C7: variants seen among roughly 807,000 people sequenced by gnomAD.
C7 encodes the protein complement C7, also known as complement component C7.
C7 carries 83 observed loss-of-function variants against 104.8 expected under a neutral mutation model. The ratio of observed to expected loss-of-function variants is 0.79; its 90% CI spans 0.66 to 0.95. The LOEUF is 0.95. C7 is among the 40% of genes least tolerant of loss of function. C7 has a pLI of 0.00. For missense variants in C7, 1,070 were observed against 1,011.2 expected (o/e 1.06, Z -0.79); for synonymous variants, 415 against 360.6 (o/e 1.15, Z -1.71).
At chr5:40,952,096 C>T (rs575042703) in intron 9 of C7, among the ~76,000 whole-genome samples, 1 of 152,226 alleles carries the variant, frequency 6.6e-6, no homozygotes, top group Non-Finnish European at 1.5e-5. Context: ...TTCAGTTGGG[C>T]TGGCAGTTGG....
chr5:40,968,568 T>TTATA (rs1240185830), intron 14 of C7, among the ~76,000 whole-genome samples: 731 of 63,380 alleles, frequency 0.012, 5 homozygotes, highest in Non-Finnish European at 0.016. Context: ...TATATATATT[T>TTATA]TATATATATA....
At chr5:40,927,632 C>G (rs1739583431) in intron 1 of C7, among the ~76,000 whole-genome samples, 1 of 151,920 alleles carries the variant, frequency 6.6e-6, no homozygotes, top group South Asian at 2.1e-4. Context: ...GGGCAAGAGA[C>G]CTGAGTAAAC....
At chr5:40,956,425 G>A (rs1740292067) in intron 10 of C7, among the ~76,000 whole-genome samples, 1 of 152,244 alleles carries the variant, frequency 6.6e-6, no homozygotes, top group South Asian at 2.1e-4. Flanking sequence ...GTGAGTGTGT[G>A]TGTGTGTCAA....
chr5:40,909,640 T>C (rs1458253848), intron 1 of C7, 24 bp downstream of exon 1: 1 of 1,503,664 alleles, frequency 6.7e-7, no homozygotes, highest in East Asian at 2.3e-5. Flanking sequence ...TTCATTACTT[T>C]TGTAAATGAA....
At chr5:40,945,149 G>A in intron 6 of C7, 49 bp from the exon 7 acceptor site, 1 of 984,942 alleles carries the variant, frequency 1.0e-6, no homozygotes, top group Non-Finnish European at 1.5e-6. Flanking sequence ...GCATGATAAA[G>A]GATCCAGCAT....
At chr5:40,942,983 C>T (rs992078084) in intron 6 of C7, among the ~76,000 whole-genome samples, 1 of 152,108 alleles carries the variant, frequency 6.6e-6, no homozygotes, top group Non-Finnish European at 1.5e-5. Context: ...AGGATGGTCT[C>T]CATCTCCTGA....
rs770155291 is a variant in C7 at position 40,964,756 on chromosome 5, T to G, written c.1765T>G (p.Phe589Val). Reference protein sequence around the residue: ...DGFVQDEGTMFPVGKNVVYTC... With the variant: ...DGFVQDEGTMVPVGKNVVYTC... Reference sequence around the variant, plus strand: ...TTTTGTTTAGGATGAAGGTACAATGTTTCCTGTGGGGAAAAATGTAGTGTA... The same window carrying G: ...TTTTGTTTAGGATGAAGGTACAATGGTTCCTGTGGGGAAAAATGTAGTGTA... The change falls in exon 14 of 18, where the codon TTT becomes GTT. Residue 589 changes from phenylalanine to valine, a missense_variant. Coordinates refer to ENST00000313164, the MANE Select transcript of C7 (RefSeq NM_000587.4). The G allele has an allele frequency of 1.9e-5, 30 of 1,613,210 alleles. No homozygotes were observed. The South Asian group carries it at 3.3e-4, about 18-fold the overall frequency.
At position 40,981,549 on chromosome 5, in the gene C7, G is replaced by A. The variant is rs745538783; in HGVS notation, c.2508G>A (p.Arg836=). Residue 836 remains arginine, a synonymous_variant, in exon 18 of 18, where the codon AGG becomes AGA. Transcript: ENST00000313164. ...RGQSISVTSI[R]PCAAETQ ...AGAGCATCTCTGTCACCAGCATAAGGCCTTGTGCTGCGGAAACCCAGTAGG... is the reference window on the plus strand; with the variant it reads ...AGAGCATCTCTGTCACCAGCATAAGACCTTGTGCTGCGGAAACCCAGTAGG... 5.6e-6 allele frequency: 9 copies of A among 1,611,642 alleles called. No homozygotes were observed. The highest frequency in any genetic ancestry group is 1.7e-4 in the Middle Eastern group (1 of 6,044).
intron 12 of C7, among the ~76,000 whole-genome samples, chr5:40,961,880 T>G (rs561246651): frequency 1.3e-5 from 2 of 152,316 alleles, no homozygotes; most frequent in African/African-American, 4.8e-5. Flanking sequence ...TTTAAATCAC[T>G]GTCTTTTGTT....
At position 40,953,467 on chromosome 5, in the gene C7, C is replaced by A. The variant is rs559993850; in HGVS notation, c.1094-1920C>A. On this transcript the variant is annotated intron_variant, in intron 9 of 17. Coordinates refer to ENST00000313164, the MANE Select transcript of C7 (RefSeq NM_000587.4). ...ACCATTCTGGCCAACAAGGTGAAAC[C>A]CTGTCTCTACTATAAATACAAAAAT... 5.9e-5 allele frequency among the ~76,000 whole-genome samples: 9 copies of A among 151,902 alleles called. No homozygotes were observed. The South Asian group carries it at 1.7e-3, about 28-fold the overall frequency.
Position 40,921,956 on chromosome 5 carries a change from T to A in C7, c.7-6624T>A, listed in dbSNP as rs10056000. On this transcript the variant is annotated intron_variant, in intron 1 of 17. Coordinates refer to ENST00000313164, the MANE Select transcript of C7 (RefSeq NM_000587.4). ...AGGAGACTGAGGCAGGAGAATGGCT[T>A]GAACCTGTGAGGTGGAAGTTGCAGT... Among the ~76,000 whole-genome samples, 751 of 152,194 alleles carry A rather than the reference T, an allele frequency of 4.9e-3. 7 individuals are homozygous for A. Among genetic ancestry groups the A allele is most frequent in the African/African-American group, 0.017 (722 of 41,498 alleles).
At chr5:40,911,669 T>C (rs1362094027) in intron 1 of C7, among the ~76,000 whole-genome samples, 1 of 152,140 alleles carries the variant, frequency 6.6e-6, no homozygotes, top group Non-Finnish European at 1.5e-5. Context: ...GAGAAGATAA[T>C]TCAGGGGAAT....
intron 8 of C7, among the ~76,000 whole-genome samples, chr5:40,949,412 C>G (rs1316428968): frequency 6.7e-6 from 1 of 149,382 alleles, no homozygotes; most frequent in East Asian, 1.9e-4. Context: ...GAAATGATCA[C>G]ATTCTAAGGG....
intron 14 of C7, among the ~76,000 whole-genome samples, chr5:40,965,646 A>ATT (rs1247964584): frequency 2.0e-5 from 2 of 99,100 alleles, no homozygotes; most frequent in African/African-American, 4.2e-5. Context: ...ATATATATAT[A>ATT]TATTTTTTTT....
Position 40,981,404 on chromosome 5 carries a change from A to C in C7, c.2363A>C (p.Lys788Thr). Residue 788 changes from lysine (K) to threonine (T), a missense_variant, in exon 18 of 18, where the codon AAA becomes ACA. Lys to Thr is a moderately conservative substitution (Grantham distance 78). Transcript: ENST00000313164. ...CTTACTTTTCCAGCTGAGAGCAGCA[A>C]ATGTGTCTGCCGAGAAGCATCGGAG... is the stretch of plus-strand genomic sequence containing the variant. The part of the protein sequence containing the change: ...LWGKCDAESS[K>T]CVCREASECE... The C allele has an allele frequency of 6.2e-7, 1 of 1,612,022 alleles. No homozygotes were observed. Among genetic ancestry groups the C allele is most frequent in the Non-Finnish European group, 8.5e-7 (1 of 1,179,036 alleles).
intron 17 of C7, chr5:40,980,381 G>GT (rs1328265862): frequency 3.3e-5 from 5 of 152,420 alleles, no homozygotes; most frequent in African/African-American, 1.2e-4. Flanking sequence ...TGACTATGCT[G>GT]TTTCTCTGTG....
chr5:40,976,850 G>T lies in C7; in HGVS notation c.2165+10G>T, dbSNP rs777461819. The T allele has an allele frequency of 3.2e-6, 5 of 1,576,424 alleles. No individual in the cohort carries two copies. The East Asian group carries it at 1.1e-4, about 36-fold the overall frequency. On this transcript the variant is annotated intron_variant, in intron 16 of 17. Coordinates refer to ENST00000313164, the MANE Select transcript of C7 (RefSeq NM_000587.4). ...TGCCCTACGAATGTGGGTAAGTGCC[G>T]CCTTTGCTCATTTCTCTGTTTTATT...
chr5:40,961,257 C>T (rs186248612), intron 12 of C7, among the ~76,000 whole-genome samples: 4 of 152,246 alleles, frequency 2.6e-5, no homozygotes, highest in Non-Finnish European at 5.9e-5. Flanking sequence ...CATGGTGTTG[C>T]TGTATGAATT....
At chr5:40,964,914 T>C (rs184804438) in intron 14 of C7, 41 bp downstream of exon 14, 1 of 1,606,470 alleles carries the variant, frequency 6.2e-7, no homozygotes, top group Admixed American at 1.7e-5. Flanking sequence ...ATGAGAAAAT[T>C]ACGTGGAAGA....
Sources: allele counts gnomAD v4.1 joint callset (sites outside exome capture counted in the v4.1 genomes callset), GRCh38; gene constraint gnomAD v4.1.1; transcripts MANE v1.5; gene names NCBI Gene and HGNC (gene_info 2026-07-23, HGNC 2026-07-21).